ZNF516: variants seen among roughly 807,000 people sequenced by gnomAD.
ZNF516 encodes the protein zinc finger protein 516.
Under a neutral mutation model 79.7 loss-of-function variants are expected in ZNF516, and 19 were observed. The ratio of observed to expected loss-of-function variants is 0.24; its 90% CI spans 0.17 to 0.35. The LOEUF (loss-of-function observed/expected upper bound fraction) is 0.35, where lower values mean the gene tolerates loss of function less well. ZNF516 is among the 10% of genes least tolerant of loss of function. ZNF516 has a pLI of 1.00. For missense variants in ZNF516, 1,678 were observed against 1,679.5 expected (o/e 1.00, Z 0.02); for synonymous variants, 877 against 739.5 (o/e 1.19, Z -3.02).
chr18:76,367,290 C>G (rs2074628031), intron 6 of ZNF516, among the ~76,000 whole-genome samples: 1 of 152,216 alleles, frequency 6.6e-6, no homozygotes, highest in Non-Finnish European at 1.5e-5. Flanking sequence ...GCCACCTTAT[C>G]TCTCGCTGGG....
At chr18:76,436,945 T>C (rs918811871) in intron 3 of ZNF516, among the ~76,000 whole-genome samples, 2 of 152,070 alleles carry the variant, frequency 1.3e-5, no homozygotes, top group African/African-American at 2.4e-5. Flanking sequence ...TGACCGCCTG[T>C]AGTCCTAGCT....
rs1297865224 is a variant in ZNF516, at chr18:76,404,400, TGTGA to T, written c.1811-24101_1811-24098del. Among the ~76,000 whole-genome samples the T allele has an allele frequency of 4.7e-5, 7 of 147,444 alleles. No individual in the cohort carries two copies. The South Asian group carries it at 6.5e-4, about 14-fold the overall frequency. ...GTGAACGGCAGTTTTAGAGTATCTG[TGTGA>T]GTGTGGGGGTGAGTGAGCATGTGTG... On this transcript the variant is annotated intron_variant, in intron 3 of 6. Transcript: ENST00000443185.
chr18:76,433,392 G>C (rs71361201), intron 3 of ZNF516, among the ~76,000 whole-genome samples: 4,242 of 152,354 alleles, frequency 0.028, 96 homozygotes, highest in Non-Finnish European at 0.042. Context: ...TCTTCAATGA[G>C]ATGGCAATTT....
chr18:76,371,343 C>T (rs971581815), intron 5 of ZNF516, 124 bp downstream of exon 5: 6 of 968,100 alleles, frequency 6.2e-6, no homozygotes, highest in Non-Finnish European at 9.1e-6. Flanking sequence ...AGATGGCAGG[C>T]CCCCCGCCGC....
intron 2 of ZNF516, among the ~76,000 whole-genome samples, chr18:76,446,111 C>G (rs542826945): frequency 3.7e-4 from 56 of 152,382 alleles, no homozygotes; most frequent in African/African-American, 1.3e-3. Context: ...ACATGCCTTT[C>G]TAGGCGTGTC....
chr18:76,460,230 G>A (rs1014485551), intron 2 of ZNF516, among the ~76,000 whole-genome samples: 3 of 152,132 alleles, frequency 2.0e-5, no homozygotes, highest in African/African-American at 4.8e-5. Context: ...TGCACTCACC[G>A]TCCAGGGCCC....
intron 1 of ZNF516, among the ~76,000 whole-genome samples, chr18:76,480,359 T>C (rs1914438177): frequency 6.6e-6 from 1 of 152,118 alleles, no homozygotes; most frequent in South Asian, 2.1e-4. Context: ...GGTACTTCTC[T>C]TGGGCAAAAC....
Position 76,358,887 on chromosome 18 carries a change from A to T in ZNF516, c.*3611T>A, listed in dbSNP as rs147384412. The T allele has an allele frequency of 6.6e-6, 1 of 152,392 alleles. No individual in the cohort carries two copies. Among genetic ancestry groups the T allele is most frequent in the Non-Finnish European group, 1.5e-5 (1 of 68,100 alleles). 9.4% of individuals were successfully genotyped at this position (152,392 alleles called of 1,614,324 possible). On this transcript the variant is annotated 3_prime_UTR_variant, in exon 7 of 7. Transcript: ENST00000443185. Reference sequence around the variant, plus strand: ...ACCCACTTTCTTTGATCCAGAAAGCATCCCTACTGACCCTGTAACCTACAC... The same window carrying T: ...ACCCACTTTCTTTGATCCAGAAAGCTTCCCTACTGACCCTGTAACCTACAC...
chr18:76,480,496 C>CAT (rs1368331623), intron 1 of ZNF516, among the ~76,000 whole-genome samples: 24 of 68,056 alleles, frequency 3.5e-4, no homozygotes, highest in African/African-American at 2.4e-3. Flanking sequence ...TATACACATA[C>CAT]ACACACACAC....
intron 3 of ZNF516, among the ~76,000 whole-genome samples, chr18:76,419,277 T>TA (rs1467911370): frequency 2.0e-5 from 3 of 152,192 alleles, no homozygotes; most frequent in African/African-American, 7.2e-5. Flanking sequence ...CCAGATGTGT[T>TA]AGGTGTATGT....
intron 1 of ZNF516, among the ~76,000 whole-genome samples, chr18:76,469,988 T>A (rs910735091): frequency 6.6e-6 from 1 of 152,236 alleles, no homozygotes; most frequent in African/African-American, 2.4e-5. Flanking sequence ...TATAAGGCAT[T>A]GTTAAGTAAA....
chr18:76,412,401 C>T (rs1206789338), intron 3 of ZNF516, among the ~76,000 whole-genome samples: 3 of 152,188 alleles, frequency 2.0e-5, no homozygotes, highest in Non-Finnish European at 4.4e-5. Context: ...CTCTCCTCCC[C>T]TCCTGGGAGG....
At chr18:76,419,237 T>C (rs944534374) in intron 3 of ZNF516, among the ~76,000 whole-genome samples, 6 of 152,180 alleles carry the variant, frequency 3.9e-5, no homozygotes, top group African/African-American at 1.4e-4. Context: ...ATGTATTAAG[T>C]TGAAACAATG....
chr18:76,472,480 TAC>T (rs1285818242), intron 1 of ZNF516, among the ~76,000 whole-genome samples: 3 of 152,258 alleles, frequency 2.0e-5, no homozygotes, highest in African/African-American at 7.2e-5. Flanking sequence ...TATATACACG[TAC>T]ACTCAGGCAC....
chr18:76,462,845 G>A (rs930318202), intron 2 of ZNF516, among the ~76,000 whole-genome samples, 183 bp downstream of exon 2: 2 of 151,230 alleles, frequency 1.3e-5, no homozygotes, highest in South Asian at 2.2e-4. Context: ...CGGCTTCCCA[G>A]TTATGTGCTC....
In ZNF516 at chr18:76,379,604, C is replaced by T. The variant is rs748518575; in HGVS notation, c.2510G>A (p.Arg837His). The T allele has an allele frequency of 6.2e-6, 10 of 1,613,520 alleles. No individual in the cohort carries two copies. Among genetic ancestry groups the T allele is most frequent in the Middle Eastern group, 1.6e-4 (1 of 6,084 alleles). ...CQPLLLARFT[R>H]TQVPGGMPGS... is the part of the protein sequence containing the mutation. Reference sequence around the variant, plus strand: ...CGGCATCCCCCCTGGCACCTGAGTGCGGGTGAACCGAGCAAGGAGCAAAGG... The same window carrying T: ...CGGCATCCCCCCTGGCACCTGAGTGTGGGTGAACCGAGCAAGGAGCAAAGG... The change falls in exon 4 of 7, where the codon CGC becomes CAC. Residue 837 changes from arginine (R) to histidine (H), a missense_variant. Physicochemically the swap from Arg to His is conservative, Grantham distance 29. Around this residue, in one of 5 missense-constraint regions of ZNF516, gnomAD observed 1,294 missense variants for 1,248.3 expected, o/e 1.04. Coordinates refer to ENST00000443185, the MANE Select transcript of ZNF516 (RefSeq NM_014643.4).
In ZNF516 at chr18:76,443,069, C is replaced by T. The variant is rs1163375308; in HGVS notation, c.-15G>A. 4 of 1,568,434 alleles carry T rather than the reference C, an allele frequency of 2.6e-6. No homozygotes were observed. Among genetic ancestry groups the T allele is most frequent in the East Asian group, 2.3e-5 (1 of 43,290 alleles). On this transcript the variant is annotated 5_prime_UTR_variant, in exon 3 of 7. Coordinates refer to ENST00000443185, the MANE Select transcript of ZNF516 (RefSeq NM_014643.4). ...TTGCGATCCATCCGAAGGACGGGCG[C>T]GGCCGGTGGTGGCGGCACAGCTTTC...
rs918420005 is a variant in ZNF516 at position 76,382,005 on chromosome 18, G to A, written c.1811-1702C>T. On this transcript the variant is annotated intron_variant, in intron 3 of 6. Transcript: ENST00000443185. ...AAATTAGCCAGGTGTAGTGGCACGC[G>A]CCTGAAGTCCCAGCTACTCCGGAGG... is the stretch of plus-strand genomic sequence containing the variant. Among the ~76,000 whole-genome samples the A allele has an allele frequency of 7.9e-5, 12 of 152,246 alleles. No homozygotes were observed. In the East Asian group the frequency reaches 1.7e-3, roughly 22 times the overall value.
At chr18:76,434,133 A>G (rs1391390240) in intron 3 of ZNF516, among the ~76,000 whole-genome samples, 2 of 152,306 alleles carry the variant, frequency 1.3e-5, no homozygotes, top group African/African-American at 2.4e-5. Flanking sequence ...TGCCTGGTCC[A>G]TGAGATGCCC....
Sources: gnomAD v4.1 joint callset for allele counts (sites outside exome capture counted in the v4.1 genomes callset) on GRCh38, gnomAD v4.1.1 for gene constraint, gnomAD v4.1.1 regional missense constraint, MANE v1.5 for transcripts, NCBI Gene and HGNC (gene_info 2026-07-23, HGNC 2026-07-21) for gene names.